CDH18: variants seen among roughly 807,000 people sequenced by gnomAD.
CDH18 encodes the protein cadherin-18.
A neutral mutation model predicts 67.9 loss-of-function variants in CDH18; 31 were observed. That is an observed-to-expected ratio of 0.46 (90% CI 0.34 to 0.62). CDH18 has a LOEUF of 0.62. Among genes scored for constraint, CDH18 ranks in the 20% least tolerant of loss-of-function variants. The pLI, the probability that CDH18 is intolerant of heterozygous loss-of-function variation, is 0.01. For missense variants in CDH18, 890 were observed against 975.5 expected (o/e 0.91, Z 1.17); for synonymous variants, 362 against 347.2 (o/e 1.04, Z -0.48).
At chr5:20,102,521 G>A (rs1746563343) in intron 2 of CDH18, among the ~76,000 whole-genome samples, 1 of 152,194 alleles carries the variant, frequency 6.6e-6, no homozygotes, top group African/African-American at 2.4e-5. Flanking sequence ...GAGGAGCAGA[G>A]TGTCTGCGAG....
chr5:19,980,117 A>G (rs1798888982), intron 2 of CDH18, among the ~76,000 whole-genome samples: 1 of 152,192 alleles, frequency 6.6e-6, no homozygotes, highest in South Asian at 2.1e-4. Flanking sequence ...AGTTCCAGAT[A>G]CAAAATTAAT....
At chr5:20,162,832 G>A (rs1735995876) in intron 2 of CDH18, among the ~76,000 whole-genome samples, 3 of 151,990 alleles carry the variant, frequency 2.0e-5, no homozygotes, top group South Asian at 2.1e-4. Flanking sequence ...GCCAAGGCAG[G>A]AGGATCATCT....
chr5:20,272,242 G>A (rs1259087079), intron 1 of CDH18, among the ~76,000 whole-genome samples: 2 of 152,182 alleles, frequency 1.3e-5, no homozygotes, highest in East Asian at 1.9e-4. Flanking sequence ...ATTAATTTAA[G>A]GACTGAAGAG....
intron 5 of CDH18, among the ~76,000 whole-genome samples, chr5:19,655,896 T>G (rs1242617287): frequency 2.0e-5 from 3 of 152,054 alleles, no homozygotes; most frequent in African/African-American, 7.2e-5. Context: ...GTCAATTGCT[T>G]CTTCTATTTG....
intron 3 of CDH18, among the ~76,000 whole-genome samples, chr5:19,832,891 T>G (rs1781216287): frequency 6.6e-6 from 1 of 151,924 alleles, no homozygotes; most frequent in Admixed American, 6.6e-5. Flanking sequence ...CTCTATATGT[T>G]TTGGTACCAG....
In CDH18 at chr5:20,157,923, T is replaced by A. The variant is rs150194976; in HGVS notation, c.-518+97521A>T. Among the ~76,000 whole-genome samples the A allele has an allele frequency of 7.8e-3, 1,187 of 152,136 alleles. 14 individuals are homozygous for A. Among genetic ancestry groups the A allele is most frequent in the African/African-American group, 0.023 (956 of 41,532 alleles). On this transcript the variant is annotated intron_variant, in intron 2 of 14. Coordinates refer to the CDH18 transcript ENST00000507958. The stretch of plus-strand genomic sequence containing the variant: ...CCAAAGTGCTGGGATTACAGGCATG[T>A]GCCAACCCAATTCTTTTCATCCTCC...
Position 19,788,143 on chromosome 5 carries a change from T to G in CDH18, c.229-40907A>C, listed in dbSNP as rs180997665. ...GAATAAGCAGCTGAAAAATTAGACA[T>G]TGTTGTTATTTGCAAATCCTCAAAT... On this transcript the variant is annotated intron_variant, in intron 3 of 12. Coordinates refer to ENST00000382275, the MANE Select transcript of CDH18 (RefSeq NM_004934.5). 3.7e-3 allele frequency among the ~76,000 whole-genome samples: 559 copies of G among 152,166 alleles called. 3 individuals are homozygous for G. The highest frequency in any genetic ancestry group is 4.1e-3 in the Non-Finnish European group (278 of 67,982).
intron 1 of CDH18, among the ~76,000 whole-genome samples, chr5:20,477,083 A>G (rs1401439077): frequency 3.3e-5 from 5 of 152,060 alleles, no homozygotes. Flanking sequence ...TTACAGAGGG[A>G]GGGCAAATAT....
intron 3 of CDH18, among the ~76,000 whole-genome samples, chr5:19,829,135 C>T (rs1416477050): frequency 6.6e-6 from 1 of 152,028 alleles, no homozygotes; most frequent in African/African-American, 2.4e-5. Context: ...GGAAGTATTC[C>T]CCTTCAGAAA....
chr5:20,128,084 C>T (rs946880761), intron 2 of CDH18, among the ~76,000 whole-genome samples: 2 of 151,982 alleles, frequency 1.3e-5, no homozygotes, highest in African/African-American at 4.8e-5. Context: ...AGTGGGCCTC[C>T]CTAGGACATT....
intron 2 of CDH18, among the ~76,000 whole-genome samples, chr5:19,843,091 T>C (rs1375273652): frequency 6.6e-6 from 1 of 152,106 alleles, no homozygotes; most frequent in Admixed American, 6.6e-5. Flanking sequence ...GAAGCCAGCT[T>C]GAGAAATTTG....
intron 2 of CDH18, among the ~76,000 whole-genome samples, chr5:19,946,148 A>C (rs1795263653): frequency 6.6e-6 from 1 of 152,168 alleles, no homozygotes; most frequent in African/African-American, 2.4e-5. Flanking sequence ...TACCAGTTTG[A>C]AAGACAGCAG....
At chr5:20,453,553 ATG>A (rs1468345396) in intron 1 of CDH18, among the ~76,000 whole-genome samples, 9 of 137,210 alleles carry the variant, frequency 6.6e-5, no homozygotes, top group East Asian at 2.1e-4. Flanking sequence ...GTGTATATGT[ATG>A]TGTGTGTGTA....
intron 9 of CDH18, among the ~76,000 whole-genome samples, chr5:19,541,989 G>T (rs1289275525): frequency 6.6e-6 from 1 of 152,110 alleles, no homozygotes; most frequent in Non-Finnish European, 1.5e-5. Flanking sequence ...TTTTGAAGAT[G>T]AAAATAACCA....
chr5:19,535,267 T>C (rs986881824), intron 9 of CDH18, among the ~76,000 whole-genome samples: 8 of 152,324 alleles, frequency 5.3e-5, no homozygotes, highest in Middle Eastern at 3.4e-3. Context: ...TTACTTTTGA[T>C]CATTGGTTAA....
chr5:19,489,748 T>C (rs2126653949), intron 11 of CDH18, among the ~76,000 whole-genome samples: 1 of 152,320 alleles, frequency 6.6e-6, no homozygotes, highest in East Asian at 1.9e-4. Context: ...TTCAAGACTG[T>C]ATTTCGGGCT....
intron 12 of CDH18, among the ~76,000 whole-genome samples, chr5:19,481,233 C>T (rs1297546645): frequency 6.6e-6 from 1 of 152,128 alleles, no homozygotes; most frequent in Non-Finnish European, 1.5e-5. Context: ...CATATATTCT[C>T]TTGCTGGGCA....
At chr5:19,756,581 T>C (rs773376999) in intron 3 of CDH18, among the ~76,000 whole-genome samples, 32 of 152,214 alleles carry the variant, frequency 2.1e-4, no homozygotes, top group South Asian at 1.4e-3. Flanking sequence ...TCTTTACCTC[T>C]GTTGTGGAGT....
chr5:20,423,047 T>C (rs1309960718), intron 1 of CDH18, among the ~76,000 whole-genome samples: 4 of 150,908 alleles, frequency 2.7e-5, no homozygotes, highest in Non-Finnish European at 5.9e-5. Context: ...GGAGAGAAAA[T>C]GATTTGGTGG....
Sources: gnomAD v4.1 joint callset for allele counts (sites outside exome capture counted in the v4.1 genomes callset) on GRCh38, gnomAD v4.1.1 for gene constraint, MANE v1.5 for transcripts, NCBI Gene and HGNC (gene_info 2026-07-23, HGNC 2026-07-21) for gene names.